The following ADGRA3 variants were observed in gnomAD, a reference collection of about 807,000 sequenced individuals.
The protein encoded by ADGRA3 is adhesion G protein-coupled receptor A3.
Under a neutral mutation model 119.8 loss-of-function variants are expected in ADGRA3, and 56 were observed. The ratio of observed to expected loss-of-function variants is 0.47; its 90% confidence interval spans 0.38 to 0.58. ADGRA3 has a LOEUF of 0.58. Ranked by LOEUF, ADGRA3 falls within the 20% of genes least tolerant of loss-of-function variation. The pLI is 0.00. For missense variants in ADGRA3, 1,516 were observed against 1,649.0 expected (o/e 0.92, Z 1.40); for synonymous variants, 607 against 623.8 (o/e 0.97, Z 0.40).
At chr4:22,427,679 C>T (rs1355257097) in intron 10 of ADGRA3, among the ~76,000 whole-genome samples, 1 of 151,964 alleles carries the variant, frequency 6.6e-6, no homozygotes, top group African/African-American at 2.4e-5. Context: ...GTCACAGTGG[C>T]AAAAAGTGAC....
rs1291858367 is a variant in ADGRA3, at chr4:22,435,285, C to T, written c.1443+26G>A. On this transcript the variant is annotated intron_variant, in intron 10 of 18. Coordinates refer to ENST00000334304, the MANE Select transcript of ADGRA3 (RefSeq NM_145290.4). ...CACTACCATTTGTTGACACTGTATG[C>T]TACAAATCTGAATTTAGAGAAGTAC... is the stretch of plus-strand genomic sequence containing the variant. 8.2e-6 allele frequency: 13 copies of T among 1,591,864 alleles called. No homozygotes were observed. In the East Asian group the frequency reaches 1.1e-4, roughly 14 times the overall value.
At position 22,413,694 on chromosome 4, in the gene ADGRA3, C is replaced by A. The variant is rs1715312227; in HGVS notation, c.1930G>T (p.Gly644Ter). The part of the protein sequence containing the change: ...YKLQLIAFRN[G>*]KLFPATGNST... ...TTTCCAGTGGCTGGAAAAAGCTTTCCATTGCGGAATGCAATGAGTTGAAGC... is the reference window on the plus strand; with the variant it reads ...TTTCCAGTGGCTGGAAAAAGCTTTCAATTGCGGAATGCAATGAGTTGAAGC... Residue 644 changes from glycine (G) to a stop codon, truncating the protein, a stop_gained, in exon 13 of 19, where the codon GGA (glycine) becomes TGA (stop). Transcript: ENST00000334304. LOFTEE classifies it high-confidence loss of function. The A allele has an allele frequency of 1.2e-6, 2 of 1,613,942 alleles. No individual in the cohort carries two copies. The highest frequency in any genetic ancestry group is 1.7e-6 in the Non-Finnish European group (2 of 1,179,932).
chr4:22,407,953 C>T (rs1715009982), intron 14 of ADGRA3, among the ~76,000 whole-genome samples: 1 of 151,908 alleles, frequency 6.6e-6, no homozygotes, highest in Admixed American at 6.6e-5. Context: ...ATCAGGGCAT[C>T]CTGTGTGTAA....
intron 17 of ADGRA3, among the ~76,000 whole-genome samples, chr4:22,392,314 G>A (rs547048950): frequency 6.6e-6 from 1 of 152,292 alleles, no homozygotes; most frequent in South Asian, 2.1e-4. Context: ...ACTCGAGGAT[G>A]GGAGAATCAG....
intron 10 of ADGRA3, among the ~76,000 whole-genome samples, chr4:22,433,040 A>G (rs1268097642): frequency 6.6e-6 from 1 of 152,208 alleles, no homozygotes; most frequent in Non-Finnish European, 1.5e-5. Flanking sequence ...ACACTAATAA[A>G]TGGTGAAAGC....
chr4:22,488,104 T>C (rs1577378453), intron 1 of ADGRA3, among the ~76,000 whole-genome samples: 2 of 152,140 alleles, frequency 1.3e-5, no homozygotes, highest in African/African-American at 2.4e-5. Context: ...CTGATCTGTT[T>C]AGAGCAGGGG....
intron 10 of ADGRA3, among the ~76,000 whole-genome samples, chr4:22,429,825 C>G (rs1441402495): frequency 1.3e-5 from 2 of 152,084 alleles, no homozygotes; most frequent in African/African-American, 2.4e-5. Context: ...TACATTAGAC[C>G]TTTCTCATTA....
In ADGRA3 at chr4:22,482,576, G is replaced by A. The variant is rs558579845; in HGVS notation, c.258-8733C>T. Among the ~76,000 whole-genome samples the A allele has an allele frequency of 2.6e-5, 4 of 152,054 alleles. 1 individual carries two copies. Among genetic ancestry groups the A allele is most frequent in the African/African-American group, 9.6e-5 (4 of 41,478 alleles). ...GCTCCTTGGAGGACTGAGTGGAGAG[G>A]ATTGCTCAAGCCCAGGGGGTTGAGG... is the stretch of plus-strand genomic sequence containing the variant. On this transcript the variant is annotated intron_variant, in intron 1 of 18. Transcript: ENST00000334304.
At chr4:22,500,366 C>T (rs747478153) in intron 1 of ADGRA3, among the ~76,000 whole-genome samples, 1 of 152,168 alleles carries the variant, frequency 6.6e-6, no homozygotes, top group Non-Finnish European at 1.5e-5. Context: ...GTAGACAATA[C>T]GGAGCTCATA....
At chr4:22,458,546 T>A (rs1717322952) in intron 3 of ADGRA3, among the ~76,000 whole-genome samples, 1 of 152,220 alleles carries the variant, frequency 6.6e-6, no homozygotes, top group Admixed American at 6.5e-5. Context: ...CCTGTGTGTC[T>A]CCAGACCCTT....
At position 22,469,057 on chromosome 4, in the gene ADGRA3, A is replaced by G. The variant is rs143142057; in HGVS notation, c.329+4715T>C. 3.6e-3 allele frequency among the ~76,000 whole-genome samples: 545 copies of G among 151,106 alleles called. 12 individuals are homozygous for G. The East Asian group carries it at 0.048, about 13-fold the overall frequency. On this transcript the variant is annotated intron_variant, in intron 2 of 18. Transcript: ENST00000334304. ...GATCCAAAACATCAATTACCTGGGGAAAAAAAAAGACCCCTTGGTTGATGT... is the reference window on the plus strand; with the variant it reads ...GATCCAAAACATCAATTACCTGGGGGAAAAAAAAGACCCCTTGGTTGATGT...
chr4:22,480,506 G>A (rs940899208), intron 1 of ADGRA3, among the ~76,000 whole-genome samples: 4 of 151,516 alleles, frequency 2.6e-5, no homozygotes, highest in South Asian at 2.1e-4. Context: ...AGCAAGACCC[G>A]GTCACTTAAA....
intron 12 of ADGRA3, chr4:22,414,563 T>A (rs1715356506): frequency 1.4e-6 from 1 of 692,616 alleles, no homozygotes; most frequent in Non-Finnish European, 2.6e-6. Context: ...TTTTCTTGGC[T>A]TCTAACCTCT....
At chr4:22,425,184 G>A (rs1715881159) in intron 10 of ADGRA3, among the ~76,000 whole-genome samples, 1 of 151,664 alleles carries the variant, frequency 6.6e-6, no homozygotes, top group African/African-American at 2.4e-5. Context: ...TGTATGTGTT[G>A]TATGATCTCA....
intron 4 of ADGRA3, among the ~76,000 whole-genome samples, chr4:22,453,136 G>T (rs1450509448): frequency 6.7e-6 from 1 of 149,588 alleles, no homozygotes; most frequent in African/African-American, 2.5e-5. Flanking sequence ...GGGAGGTGGA[G>T]GTTGCAGTGA....
intron 4 of ADGRA3, among the ~76,000 whole-genome samples, chr4:22,452,049 C>T (rs961782909): frequency 6.6e-6 from 1 of 152,164 alleles, no homozygotes; most frequent in African/African-American, 2.4e-5. Context: ...TTTCCTGATC[C>T]ACAGCTCTAG....
At chr4:22,404,434 A>G (rs928970735) in intron 14 of ADGRA3, among the ~76,000 whole-genome samples, 20 of 152,208 alleles carry the variant, frequency 1.3e-4, no homozygotes, top group African/African-American at 4.1e-4. Context: ...AATGATGAAC[A>G]GTTAATGACA....
chr4:22,421,685 C>G (rs964447612), intron 11 of ADGRA3, among the ~76,000 whole-genome samples: 12 of 151,848 alleles, frequency 7.9e-5, no homozygotes, highest in Admixed American at 5.9e-4. Flanking sequence ...ATCAAATTAG[C>G]CTGGTCAACA....
intron 1 of ADGRA3, among the ~76,000 whole-genome samples, chr4:22,509,346 C>A (rs1240686790): frequency 6.6e-6 from 1 of 151,574 alleles, no homozygotes; most frequent in African/African-American, 2.4e-5. Flanking sequence ...ACTAAAGATC[C>A]AAAAAAATTA....
Sources: allele counts gnomAD v4.1 joint callset (sites outside exome capture counted in the v4.1 genomes callset), GRCh38; gene constraint gnomAD v4.1.1; transcripts MANE v1.5; gene names NCBI Gene and HGNC (gene_info 2026-07-23, HGNC 2026-07-21).